Variants in RNF121 observed in about 807,000 individuals in gnomAD.
RNF121 encodes ring finger protein 121, also known as E3 ubiquitin ligase RNF121.
A neutral mutation model predicts 46.5 loss-of-function variants in RNF121; 21 were observed. The observed-to-expected ratio is 0.45, with a 90% CI of 0.32 to 0.65. The LOEUF (loss-of-function observed/expected upper bound fraction) is 0.65. RNF121 is among the 30% of genes least tolerant of loss of function. The pLI is 0.04. For missense variants in RNF121, 346 were observed against 416.0 expected, an observed-to-expected ratio of 0.83 and a Z score of 1.46; for synonymous variants, 139 against 144.7, an observed-to-expected ratio of 0.96 and a Z score of 0.28.
At chr11:71,949,629 T>C (rs1953814134) in intron 1 of RNF121, among the ~76,000 whole-genome samples, 1 of 152,028 alleles carries the variant, frequency 6.6e-6, no homozygotes, top group Admixed American at 6.6e-5. Flanking sequence ...GGCAGAAGAA[T>C]CGCTTGAACC....
At chr11:71,975,992 C>A (rs1255743626) in intron 3 of RNF121, among the ~76,000 whole-genome samples, 4 of 152,156 alleles carry the variant, frequency 2.6e-5, no homozygotes, top group African/African-American at 9.7e-5. Context: ...CGTGTTTCTG[C>A]CTTGTAGAGT....
intron 3 of RNF121, among the ~76,000 whole-genome samples, chr11:71,961,687 A>G (rs1310458286): frequency 6.6e-6 from 1 of 152,228 alleles, no homozygotes; most frequent in Non-Finnish European, 1.5e-5. Context: ...ATATAAATGG[A>G]TTAAATTCTT....
chr11:71,960,746 T>TCAGGGTCGAGCATG lies in RNF121; in HGVS notation c.110_111insTGCAGGGTCGAGCA. 1 of 1,612,158 alleles carries TCAGGGTCGAGCATG rather than the reference T, an allele frequency of 6.2e-7. No homozygotes were observed. Among genetic ancestry groups the TCAGGGTCGAGCATG allele is most frequent in the South Asian group, 1.1e-5 (1 of 90,898 alleles). ...TTGATTCACCCCATGTGTTTGGCTT[T>TCAGGGTCGAGCATG]CAGGGTCGAGCACGCACGCATGCAT... On this transcript the variant is annotated splice_polypyrimidine_tract_variant and splice_region_variant and intron_variant, in intron 2 of 8. Coordinates refer to ENST00000361756, the MANE Select transcript of RNF121 (RefSeq NM_018320.5).
rs200831971 is a variant in RNF121, at chr11:71,942,791, G to C, written c.63+13667G>C. Among the ~76,000 whole-genome samples, 547 of 71,008 alleles carry C rather than the reference G, an allele frequency of 7.7e-3. 1 individual carries two copies. The highest frequency in any genetic ancestry group is 0.012 in the Non-Finnish European group (438 of 37,566). The allele number at this position is 71,008 out of a possible 152,430, so 46.6% of individuals were successfully genotyped here. On this transcript the variant is annotated intron_variant, in intron 1 of 8. Transcript: ENST00000361756. ...ATATCTGTATATATATATATATATA[G>C]ATATATATATGTACACACACACACA...
In RNF121 at chr11:71,940,978, A is replaced by G. The variant is rs73529832; in HGVS notation, c.63+11854A>G. ...TTGGAGACGTTAAACAGCGTGGAATATTCTGGGACTGTACGCAGTTCTGTA... is the reference window on the plus strand; with the variant it reads ...TTGGAGACGTTAAACAGCGTGGAATGTTCTGGGACTGTACGCAGTTCTGTA... On this transcript the variant is annotated intron_variant, in intron 1 of 8. Coordinates refer to ENST00000361756, the MANE Select transcript of RNF121 (RefSeq NM_018320.5). 9.5e-3 allele frequency among the ~76,000 whole-genome samples: 1,445 copies of G among 152,342 alleles called. 13 individuals are homozygous for G. The highest frequency in any genetic ancestry group is 0.033 in the African/African-American group (1,380 of 41,582).
chr11:71,930,236 A>G (rs1953242949), intron 1 of RNF121, among the ~76,000 whole-genome samples: 3 of 152,176 alleles, frequency 2.0e-5, no homozygotes, highest in African/African-American at 7.2e-5. Flanking sequence ...AATAGGAGGA[A>G]GGGGATTGGT....
At chr11:71,955,978 T>A (rs1590785631) in intron 1 of RNF121, among the ~76,000 whole-genome samples, 2 of 152,188 alleles carry the variant, frequency 1.3e-5, no homozygotes, top group Non-Finnish European at 1.5e-5. Flanking sequence ...TTTTTTGACT[T>A]AGCTGGGAGA....
chr11:71,985,489 C>T (rs527634358), intron 4 of RNF121, among the ~76,000 whole-genome samples: 61 of 152,248 alleles, frequency 4.0e-4, no homozygotes, highest in African/African-American at 1.5e-3. Context: ...CTTTTGTGAT[C>T]AGTGCAATCC....
At chr11:71,932,560 AAG>A (rs1953301015) in intron 1 of RNF121, among the ~76,000 whole-genome samples, 1 of 152,236 alleles carries the variant, frequency 6.6e-6, no homozygotes, top group African/African-American at 2.4e-5. Context: ...TGTGATTCAA[AAG>A]AGCATTTTGA....
At chr11:71,968,444 A>G (rs1590797068) in intron 3 of RNF121, among the ~76,000 whole-genome samples, 1 of 152,068 alleles carries the variant, frequency 6.6e-6, no homozygotes, top group Admixed American at 6.6e-5. Context: ...CTGATTTTCT[A>G]TCCTGGTTCT....
At chr11:71,937,280 A>G (rs558321110) in intron 1 of RNF121, among the ~76,000 whole-genome samples, 8 of 152,298 alleles carry the variant, frequency 5.3e-5, no homozygotes, top group Non-Finnish European at 8.8e-5. Context: ...CACAGTGGCT[A>G]GCATGGAGTA....
At chr11:71,943,603 G>A (rs948857961) in intron 1 of RNF121, among the ~76,000 whole-genome samples, 2 of 152,170 alleles carry the variant, frequency 1.3e-5, no homozygotes, top group Non-Finnish European at 2.9e-5. Context: ...CAAAGACATA[G>A]GCCTTGCTCT....
intron 5 of RNF121, among the ~76,000 whole-genome samples, chr11:71,988,838 A>G (rs1442986336): frequency 2.0e-5 from 3 of 152,096 alleles, no homozygotes. Context: ...AAATAAAAAT[A>G]AATAAATCCT....
In RNF121 at chr11:71,976,525, T is replaced by C. The variant is rs199955313; in HGVS notation, c.244-6236T>C. Among the ~76,000 whole-genome samples, 31 of 152,048 alleles carry C rather than the reference T, an allele frequency of 2.0e-4. 1 individual carries two copies. The highest frequency in any genetic ancestry group is 1.4e-3 in the East Asian group (7 of 5,170). On this transcript the variant is annotated intron_variant, in intron 3 of 8. Transcript: ENST00000361756. ...TGTGCGCCACTATGCCCAGCTAATT[T>C]TTGTATTTTTAGTAGAGACGGGGTT...
chr11:71,982,862 A>T lies in RNF121; in HGVS notation c.345A>T (p.Thr115=), dbSNP rs1565159309. 2 of 1,613,944 alleles carry T rather than the reference A, an allele frequency of 1.2e-6. No individual in the cohort carries two copies. The highest frequency in any genetic ancestry group is 2.2e-5 in the East Asian group (1 of 44,854). The change falls in exon 4 of 9, where the codon ACA becomes ACT. Residue 115 remains threonine (T), a synonymous_variant. Transcript: ENST00000361756. ...TCTGGATCTTGTTCTCTGCTGTCAC[A>T]GCCTTTGTTACCTTCCGAGCCACCC... ...LVIWILFSAV[T]AFVTFRATRK... is the part of the protein sequence containing the mutation.
chr11:71,935,018 T>G lies in RNF121; in HGVS notation c.63+5894T>G, dbSNP rs1052270442. On this transcript the variant is annotated intron_variant, in intron 1 of 8. Transcript: ENST00000361756. ...GTACAGTAGAGTGATCTTTGCTCACTGCAACCTCAGCCTCCCAGGCTCAGG... is the reference window on the plus strand; with the variant it reads ...GTACAGTAGAGTGATCTTTGCTCACGGCAACCTCAGCCTCCCAGGCTCAGG... Among the ~76,000 whole-genome samples, 4 of 150,278 alleles carry G rather than the reference T, an allele frequency of 2.7e-5. No homozygotes were observed. The East Asian group carries it at 5.9e-4, about 22-fold the overall frequency.
intron 3 of RNF121, among the ~76,000 whole-genome samples, chr11:71,969,279 G>A (rs1253839361): frequency 1.3e-5 from 2 of 152,144 alleles, no homozygotes; most frequent in South Asian, 2.1e-4. Flanking sequence ...AGTTAGTTGT[G>A]ATATATTCAC....
At chr11:71,941,277 G>A (rs1953561613) in intron 1 of RNF121, among the ~76,000 whole-genome samples, 1 of 152,194 alleles carries the variant, frequency 6.6e-6, no homozygotes, top group African/African-American at 2.4e-5. Flanking sequence ...AGAGAGAAGT[G>A]AGCAGCTATA....
At chr11:71,969,139 G>C (rs1458891366) in intron 3 of RNF121, among the ~76,000 whole-genome samples, 1 of 151,716 alleles carries the variant, frequency 6.6e-6, no homozygotes, top group South Asian at 2.1e-4. Flanking sequence ...CACCTGCCTC[G>C]GCCTCCCAAA....
Sources: allele counts gnomAD v4.1 joint callset (sites outside exome capture counted in the v4.1 genomes callset), GRCh38; gene constraint gnomAD v4.1.1; transcripts MANE v1.5; gene names NCBI Gene and HGNC (gene_info 2026-07-23, HGNC 2026-07-21).